TSC1: variants seen among roughly 807,000 people sequenced by gnomAD.
TSC1 encodes the protein TSC complex subunit 1, also known as hamartin.
TSC1 carries 20 observed loss-of-function variants against 124.3 expected under a neutral mutation model. That is an observed-to-expected ratio of 0.16 (90% CI 0.11 to 0.23). The LOEUF (loss-of-function observed/expected upper bound fraction) is 0.23, where lower values mean the gene tolerates loss of function less well. Ranked by LOEUF, TSC1 falls within the 10% of genes least tolerant of loss-of-function variation. TSC1 has a pLI of 1.00. For missense variants in TSC1, 1,124 were observed against 1,448.5 expected, an observed-to-expected ratio of 0.78 and a Z score of 3.64; for synonymous variants, 493 against 539.1, an observed-to-expected ratio of 0.91 and a Z score of 1.19.
In TSC1 at chr9:132,896,825, C is replaced by T. The variant is rs1160069233; in HGVS notation, c.2976-71G>A. The T allele has an allele frequency of 3.1e-6, 5 of 1,607,234 alleles. No homozygotes were observed. In the East Asian group the frequency reaches 8.9e-5, roughly 29 times the overall value. On this transcript the variant is annotated intron_variant, in intron 22 of 22. Coordinates refer to ENST00000298552, the MANE Select transcript of TSC1 (RefSeq NM_000368.5). The surrounding 1 kb of genome is among the most constrained non-coding windows in gnomAD (Gnocchi z 4.5). ...TCCACATTCGGAGGATGTGGAATTA[C>T]ACTGACACTCACTCACACTGACACT...
upstream of TSC1, chr9:132,945,260 G>C (rs977120999): frequency 6.6e-6 from 1 of 152,266 alleles, no homozygotes; most frequent in Non-Finnish European, 1.5e-5. Context: ...CCCGCCTCCG[G>C]GATTGCGGGG....
intron 1 of TSC1, chr9:132,941,003 C>T (rs892070990): frequency 9.9e-5 from 15 of 152,170 alleles, no homozygotes; most frequent in African/African-American, 3.6e-4. Context: ...TCACATCACC[C>T]ACAGAAGGGC....
At position 132,892,566 on chromosome 9, in the gene TSC1, C is replaced by G; in HGVS notation, c.*3669G>C. Reference sequence around the variant, plus strand: ...GGAGGTGGGCGGCACCCCATCTCACCAAGGTCCTGGCCGGGTCTTCGCTCT... The same window carrying G: ...GGAGGTGGGCGGCACCCCATCTCACGAAGGTCCTGGCCGGGTCTTCGCTCT... On this transcript the variant is annotated 3_prime_UTR_variant, in exon 23 of 23. Coordinates refer to ENST00000298552, the MANE Select transcript of TSC1 (RefSeq NM_000368.5). The G allele has an allele frequency of 4.3e-6, 1 of 233,420 alleles. No homozygotes were observed. The highest frequency in any genetic ancestry group is 8.5e-6 in the Non-Finnish European group (1 of 118,126). 14.5% of individuals were successfully genotyped at this position (233,420 alleles called of 1,614,324 possible).
intron 15 of TSC1, among the ~76,000 whole-genome samples, chr9:132,904,669 G>C (rs1448516297): frequency 6.6e-6 from 1 of 152,252 alleles, no homozygotes; most frequent in African/African-American, 2.4e-5. Context: ...TAGGACCTGT[G>C]TTGTTAGCTT....
chr9:132,901,365 A>T (rs1428460614), intron 19 of TSC1, among the ~76,000 whole-genome samples: 1 of 152,244 alleles, frequency 6.6e-6, no homozygotes, highest in Non-Finnish European at 1.5e-5. Flanking sequence ...GATATTTGGC[A>T]GCACCCTGGC....
chr9:132,918,220 C>CTAAA (rs1846366187), intron 8 of TSC1, among the ~76,000 whole-genome samples: 3 of 152,228 alleles, frequency 2.0e-5, no homozygotes, highest in African/African-American at 7.2e-5. Flanking sequence ...AACTAAAAAA[C>CTAAA]AGACAGGCAG....
At position 132,906,216 on chromosome 9, in the gene TSC1, GC is replaced by G; in HGVS notation, c.1439-78del. The G allele has an allele frequency of 6.9e-7, 1 of 1,450,978 alleles. No homozygotes were observed. Among genetic ancestry groups the G allele is most frequent in the African/African-American group, 1.4e-5 (1 of 71,858 alleles). 89.9% of individuals were successfully genotyped at this position (1,450,978 alleles called of 1,614,324 possible). ...AAAGACTAGGCAGTTTGGGTGGCAT[GC>G]TGCCACATGCCAGTGTCACTCAGAG... On this transcript the variant is annotated intron_variant, in intron 14 of 22. Coordinates refer to ENST00000298552, the MANE Select transcript of TSC1 (RefSeq NM_000368.5). This position sits in a 1 kb window ranked among gnomAD's most constrained non-coding sequence, Gnocchi z 4.1.
chr9:132,896,032 G>T lies in TSC1; in HGVS notation c.*203C>A. On this transcript the variant is annotated 3_prime_UTR_variant, in exon 23 of 23. Coordinates refer to ENST00000298552, the MANE Select transcript of TSC1 (RefSeq NM_000368.5). The surrounding 1 kb of genome is among the most constrained non-coding windows in gnomAD (Gnocchi z 4.5). ...AGGTAAATGAGAGGGGGTTAGGGCG[G>T]GTGGAGGGGAAGGTCAAGAGGCATT... 1.0e-5 allele frequency: 7 copies of T among 692,722 alleles called. No homozygotes were observed. Among genetic ancestry groups the T allele is most frequent in the South Asian group, 1.0e-4 (6 of 59,434 alleles). 42.9% of individuals were successfully genotyped at this position (692,722 alleles called of 1,614,324 possible).
At chr9:132,943,067 T>G (rs1847823721) in intron 1 of TSC1, among the ~76,000 whole-genome samples, 1 of 152,250 alleles carries the variant, frequency 6.6e-6, no homozygotes, top group South Asian at 2.1e-4. Flanking sequence ...TTTATAATGC[T>G]TCCTGAAATT....
At chr9:132,910,401 G>A (rs1030429122) in intron 12 of TSC1, 170 bp downstream of exon 12, 26 of 1,264,380 alleles carry the variant, frequency 2.1e-5, no homozygotes, top group Admixed American at 5.8e-5. Context: ...CCCAGGGGTC[G>A]GCAGATCACA....
At chr9:132,920,333 G>T (rs1219979179) in intron 8 of TSC1, among the ~76,000 whole-genome samples, 1 of 152,146 alleles carries the variant, frequency 6.6e-6, no homozygotes, top group Non-Finnish European at 1.5e-5. Flanking sequence ...AAACTACAAA[G>T]AAAAGCAAGA....
At chr9:132,912,008 T>A (rs943384438) in intron 9 of TSC1, among the ~76,000 whole-genome samples, 1 of 152,212 alleles carries the variant, frequency 6.6e-6, no homozygotes, top group Non-Finnish European at 1.5e-5. Flanking sequence ...AGTCTGGAAG[T>A]CAAATACTTA....
rs768189353 is a variant in TSC1, at chr9:132,904,429, C to A, written c.2023G>T (p.Asp675Tyr). The change falls in exon 16 of 23, where the codon GAC becomes TAC. Residue 675 changes from aspartate (D) to tyrosine (Y), a missense_variant. Around this residue, in one of 5 missense-constraint regions of TSC1, gnomAD observed 321 missense variants for 397.4 expected, o/e 0.81. Coordinates refer to ENST00000298552, the MANE Select transcript of TSC1 (RefSeq NM_000368.5). ...ACTTTACCTCCAAAGTGGGTCCAGT[C>A]GACAGACTTGCTGGGTAAAGGCAAC... ...NKLPLPSKSV[D>Y]WTHFGGSPPS... The A allele has an allele frequency of 2.5e-6, 4 of 1,613,924 alleles. No homozygotes were observed. Among genetic ancestry groups the A allele is most frequent in the South Asian group, 2.2e-5 (2 of 91,024 alleles).
Position 132,902,925 on chromosome 9 carries a change from C to G in TSC1, c.2209-138G>C. 8.9e-7 allele frequency: 1 copy of G among 1,121,994 alleles called. No homozygotes were observed. Among genetic ancestry groups the G allele is most frequent in the Non-Finnish European group, 1.3e-6 (1 of 757,438 alleles). 69.5% of individuals were successfully genotyped at this position (1,121,994 alleles called of 1,614,324 possible). A position where few individuals can be genotyped will look rare whatever the true frequency, so the allele number is the denominator to read the frequency against. ...ACTACAGACCAAAACTCTTAGAGCT[C>G]ACTACTGTCTTACTTGGCCTTAGGT... On this transcript the variant is annotated intron_variant, in intron 17 of 22. Transcript: ENST00000298552. This position sits in a 1 kb window ranked among gnomAD's most constrained non-coding sequence, Gnocchi z 5.2.
chr9:132,927,845 C>T (rs902001375), intron 3 of TSC1, among the ~76,000 whole-genome samples: 15 of 152,160 alleles, frequency 9.9e-5, no homozygotes, highest in African/African-American at 2.9e-4. Context: ...TTTTTAATTA[C>T]AAAAAATAAT....
chr9:132,910,315 A>AT, intron 12 of TSC1: 1 of 637,374 alleles, frequency 1.6e-6, no homozygotes. Context: ...AAAAAAAAAA[A>AT]AAAAAAAATC....
At chr9:132,934,077 A>C (rs1847335456) in intron 2 of TSC1, among the ~76,000 whole-genome samples, 1 of 152,112 alleles carries the variant, frequency 6.6e-6, no homozygotes, top group African/African-American at 2.4e-5. Flanking sequence ...AAAAATCCCT[A>C]CCTTATTTTA....
intron 8 of TSC1, among the ~76,000 whole-genome samples, chr9:132,917,758 A>C (rs1002868032): frequency 3.9e-4 from 60 of 152,300 alleles, no homozygotes; most frequent in Middle Eastern, 3.4e-3. Flanking sequence ...CCTATATCTC[A>C]GAAAAGTATC....
chr9:132,932,641 G>C (rs1265704036), intron 2 of TSC1, among the ~76,000 whole-genome samples: 2 of 152,158 alleles, frequency 1.3e-5, no homozygotes, highest in African/African-American at 4.8e-5. Flanking sequence ...ATAAGATCCA[G>C]CCAGTTATTA....
Sources: gnomAD v4.1 joint callset for allele counts (sites outside exome capture counted in the v4.1 genomes callset) on GRCh38, gnomAD v4.1.1 for gene constraint, gnomAD v4.1.1 regional missense constraint, Gnocchi (gnomAD v3.1) non-coding constraint, MANE v1.5 for transcripts, NCBI Gene and HGNC (gene_info 2026-07-23, HGNC 2026-07-21) for gene names.